Variants in DNAH7 observed in about 807,000 individuals in gnomAD.
DNAH7 encodes the protein axonemal beta dynein heavy chain 7.
DNAH7 carries 397 observed loss-of-function variants against 444.6 expected under a neutral mutation model. That is an observed-to-expected ratio of 0.89 (90% confidence interval 0.82 to 0.97). DNAH7 has a LOEUF of 0.97. DNAH7 is among the 50% of genes least tolerant of loss of function. The pLI is 0.00. For synonymous variants in DNAH7, 1,636 were observed against 1,624.4 expected (o/e 1.01, Z -0.17); for missense variants, 4,902 against 4,800.8 (o/e 1.02, Z -0.62).
intron 19 of DNAH7, among the ~76,000 whole-genome samples, chr2:195,949,724 G>A (rs548827690): frequency 6.6e-6 from 1 of 152,296 alleles, no homozygotes; most frequent in East Asian, 1.9e-4. Flanking sequence ...CATTCAGTAT[G>A]ATATTGGCTG....
rs148057862 is a variant in DNAH7, at chr2:195,851,309, A to G, written c.8781+2034T>C. Reference sequence around the variant, plus strand: ...CTGTGACATGAGAGTGACATGAGAGATTTGTTAAGGAAAGTAAAAATTCAG... The same window carrying G: ...CTGTGACATGAGAGTGACATGAGAGGTTTGTTAAGGAAAGTAAAAATTCAG... On this transcript the variant is annotated intron_variant, in intron 46 of 64. Coordinates refer to ENST00000312428, the MANE Select transcript of DNAH7 (RefSeq NM_018897.3). Among the ~76,000 whole-genome samples, 523 of 152,268 alleles carry G rather than the reference A, an allele frequency of 3.4e-3. 8 individuals are homozygous for G. The highest frequency in any genetic ancestry group is 1.1e-3 in the Non-Finnish European group (73 of 68,020).
Position 195,868,258 on chromosome 2 carries a change from G to C in DNAH7, c.6634-3237C>G, listed in dbSNP as rs192601449. Among the ~76,000 whole-genome samples the C allele has an allele frequency of 9.5e-3, 1,437 of 151,450 alleles. 28 individuals are homozygous for C. Among genetic ancestry groups the C allele is most frequent in the African/African-American group, 0.032 (1,341 of 41,272 alleles). Reference sequence around the variant, plus strand: ...ACTACAGGTGCCCGCCACCACACCCGGCTAATTTTTTGTATTTTTAGTAGA... The same window carrying C: ...ACTACAGGTGCCCGCCACCACACCCCGCTAATTTTTTGTATTTTTAGTAGA... On this transcript the variant is annotated intron_variant, in intron 40 of 64. Transcript: ENST00000312428.
intron 64 of DNAH7, among the ~76,000 whole-genome samples, chr2:195,738,588 C>T (rs1692796254): frequency 6.6e-6 from 1 of 152,034 alleles, no homozygotes; most frequent in South Asian, 2.1e-4. Context: ...GAGATAGATA[C>T]TATATATATT....
chr2:195,807,317 C>T (rs1559110982), intron 53 of DNAH7, among the ~76,000 whole-genome samples: 1 of 152,036 alleles, frequency 6.6e-6, no homozygotes, highest in East Asian at 1.9e-4. Flanking sequence ...CCACCATACC[C>T]AGCTAACTTT....
chr2:195,883,178 T>A (rs1701505067), intron 35 of DNAH7, among the ~76,000 whole-genome samples: 1 of 152,294 alleles, frequency 6.6e-6, no homozygotes, highest in South Asian at 2.1e-4. Flanking sequence ...CCGGGCACGG[T>A]GGCTCACGCC....
At chr2:195,750,756 T>A (rs1041151746) in intron 63 of DNAH7, among the ~76,000 whole-genome samples, 1 of 152,190 alleles carries the variant, frequency 6.6e-6, no homozygotes, top group African/African-American at 2.4e-5. Context: ...TTGTGAGGAT[T>A]CAGTGTAATG....
At chr2:195,775,242 C>T (rs1695009025) in intron 60 of DNAH7, among the ~76,000 whole-genome samples, 1 of 152,170 alleles carries the variant, frequency 6.6e-6, no homozygotes, top group Admixed American at 6.5e-5. Flanking sequence ...TTCCCACACC[C>T]CAGTGCGCTT....
intron 1 of DNAH7, among the ~76,000 whole-genome samples, chr2:196,068,059 G>A (rs1288315021): frequency 6.6e-6 from 1 of 151,966 alleles, no homozygotes; most frequent in Non-Finnish European, 1.5e-5. Flanking sequence ...AAAAAAACGA[G>A]AAAAAAAGAG....
chr2:196,034,430 A>G (rs1356366415), intron 5 of DNAH7, among the ~76,000 whole-genome samples: 1 of 152,210 alleles, frequency 6.6e-6, no homozygotes, highest in African/African-American at 2.4e-5. Flanking sequence ...AGGCAACTCA[A>G]TATTACTGAA....
intron 60 of DNAH7, among the ~76,000 whole-genome samples, chr2:195,772,679 T>C (rs1256903074): frequency 1.3e-5 from 2 of 152,182 alleles, no homozygotes; most frequent in Non-Finnish European, 2.9e-5. Flanking sequence ...GTTTCCTGGT[T>C]TCTGTACTAT....
rs1158196028 is a variant in DNAH7, at chr2:195,838,750, TAC to T, written c.8946-4392_8946-4391del. ...AAAAGTAAAATGATGGTAAAAGATATACCATGAAAACACTAAACAAAATAAAG... is the reference window on the plus strand; with the variant it reads ...AAAAGTAAAATGATGGTAAAAGATATCATGAAAACACTAAACAAAATAAAG... On this transcript the variant is annotated intron_variant, in intron 47 of 64. Coordinates refer to ENST00000312428, the MANE Select transcript of DNAH7 (RefSeq NM_018897.3). 3.3e-5 allele frequency among the ~76,000 whole-genome samples: 5 copies of T among 151,992 alleles called. No individual in the cohort carries two copies. The East Asian group carries it at 9.7e-4, about 29-fold the overall frequency.
rs34903739 is a variant in DNAH7 at position 195,917,101 on chromosome 2, C to CAAA, written c.3935+4984_3935+4986dup. On this transcript the variant is annotated intron_variant, in intron 24 of 64. Coordinates refer to ENST00000312428, the MANE Select transcript of DNAH7 (RefSeq NM_018897.3). ...TGGGCAACAGAGTGAGACTCCACCT[C>CAAA]AAAAAAAAAAAAAAAAAAAAAAGAT... is the stretch of plus-strand genomic sequence containing the variant. Among the ~76,000 whole-genome samples, 86 of 53,200 alleles carry CAAA rather than the reference C, an allele frequency of 1.6e-3. 1 individual carries two copies. Among genetic ancestry groups the CAAA allele is most frequent in the Non-Finnish European group, 2.0e-3 (53 of 26,386 alleles). The allele number at this position is 53,200 out of a possible 152,430, so 34.9% of individuals were successfully genotyped here.
chr2:195,999,996 G>A (rs924835495), intron 12 of DNAH7, among the ~76,000 whole-genome samples: 14 of 152,136 alleles, frequency 9.2e-5, no homozygotes, highest in Admixed American at 2.6e-4. Flanking sequence ...AAACAAGAAG[G>A]AGCAAAGGGG....
chr2:195,821,542 C>T (rs909871604), intron 49 of DNAH7, among the ~76,000 whole-genome samples: 2 of 152,148 alleles, frequency 1.3e-5, no homozygotes, highest in African/African-American at 4.8e-5. Flanking sequence ...TCGGTGGATC[C>T]CTGTGCCATT....
chr2:195,936,523 T>A, intron 20 of DNAH7, 76 bp downstream of exon 20: 1 of 938,670 alleles, frequency 1.1e-6, no homozygotes. Context: ...TTATATATAT[T>A]TATGTTCTAC....
At chr2:196,007,500 A>G (rs768879454) in intron 10 of DNAH7, among the ~76,000 whole-genome samples, 6 of 152,202 alleles carry the variant, frequency 3.9e-5, no homozygotes, top group Non-Finnish European at 8.8e-5. Flanking sequence ...ACCACACAGG[A>G]AAACAGGTAA....
At chr2:195,938,970 G>A (rs1689241202) in intron 19 of DNAH7, among the ~76,000 whole-genome samples, 1 of 152,080 alleles carries the variant, frequency 6.6e-6, no homozygotes, top group East Asian at 1.9e-4. Context: ...GAACAGACTT[G>A]GTGTCTGTCC....
intron 12 of DNAH7, chr2:195,995,280 G>C (rs534395504): frequency 6.5e-6 from 3 of 464,620 alleles, no homozygotes; most frequent in Admixed American, 4.8e-5. Context: ...GATATCATAA[G>C]TCCTTCTCTT....
rs569905194 is a variant in DNAH7 at position 196,068,516 on chromosome 2, G to C, written c.15+181C>G. 3 of 776,886 alleles carry C rather than the reference G, an allele frequency of 3.9e-6. No homozygotes were observed. In the Admixed American group the frequency reaches 9.3e-5, roughly 24 times the overall value. The allele number at this position is 776,886 out of a possible 1,614,324, so 48.1% of individuals were successfully genotyped here. ...GACCAAGGGCAAACAGCTGGGAAGGGAACTTATAAGGGCATTCACGGAAAG... is the reference window on the plus strand; with the variant it reads ...GACCAAGGGCAAACAGCTGGGAAGGCAACTTATAAGGGCATTCACGGAAAG... On this transcript the variant is annotated intron_variant, in intron 1 of 64. Coordinates refer to ENST00000312428, the MANE Select transcript of DNAH7 (RefSeq NM_018897.3).
Sources: allele counts gnomAD v4.1 joint callset (sites outside exome capture counted in the v4.1 genomes callset), GRCh38; gene constraint gnomAD v4.1.1; transcripts MANE v1.5; gene names NCBI Gene and HGNC (gene_info 2026-07-23, HGNC 2026-07-21).